Variants in TRAPPC10 observed in about 807,000 individuals in gnomAD.
The protein encoded by TRAPPC10 is TRAPP 130 kDa subunit.
In TRAPPC10, 23 loss-of-function variants were observed where a neutral mutation model predicts 125.5. The ratio of observed to expected loss-of-function variants is 0.18; its 90% CI spans 0.13 to 0.26. TRAPPC10 has a LOEUF of 0.26. Ranked by LOEUF, TRAPPC10 falls within the 10% of genes least tolerant of loss-of-function variation. The pLI is 1.00. For synonymous variants in TRAPPC10, 509 were observed against 518.0 expected (o/e 0.98, Z 0.24); for missense variants, 1,123 against 1,308.4 (o/e 0.86, Z 2.19).
At chr21:44,085,306 G>C (rs1412379665) in intron 15 of TRAPPC10, among the ~76,000 whole-genome samples, 1 of 151,996 alleles carries the variant, frequency 6.6e-6, no homozygotes, top group Non-Finnish European at 1.5e-5. Context: ...AACTACATGT[G>C]TATTTTACAG....
Position 44,059,429 on chromosome 21 carries a change from CA to C in TRAPPC10, c.790+220del. On this transcript the variant is annotated intron_variant, in intron 6 of 22. Transcript: ENST00000291574. This position sits in a 1 kb window ranked among gnomAD's most constrained non-coding sequence, Gnocchi z 4.4. ...TCACTTTTAGAAGAATCTTAAGTAA[CA>C]AAAATAATAATAATTTAAAAAAACT... is the stretch of plus-strand genomic sequence containing the variant. 1 of 704,098 alleles carries C rather than the reference CA, an allele frequency of 1.4e-6. No individual in the cohort carries two copies. The highest frequency in any genetic ancestry group is 1.6e-5 in the South Asian group (1 of 64,404). The allele number at this position is 704,098 out of a possible 1,614,324, so 43.6% of individuals were successfully genotyped here.
chr21:44,060,915 T>TACATACACACAC (rs60633801), intron 6 of TRAPPC10, among the ~76,000 whole-genome samples: 8,589 of 132,034 alleles, frequency 0.065, 298 homozygotes, highest in East Asian at 0.13. Flanking sequence ...CATACATACA[T>TACATACACACAC]ACACACACAC....
rs567853707 is a variant in TRAPPC10 at position 44,079,122 on chromosome 21, G to A, written c.1470-442G>A. On this transcript the variant is annotated intron_variant, in intron 11 of 22. Coordinates refer to ENST00000291574, the MANE Select transcript of TRAPPC10 (RefSeq NM_003274.5). ...CTGCTTCTGTGTTTCTGTGCCTTTA[G>A]TAGGTAGTGTAGACCCATACTTGGA... Among the ~76,000 whole-genome samples the A allele has an allele frequency of 7.2e-5, 11 of 152,230 alleles. No individual in the cohort carries two copies. The South Asian group carries it at 1.7e-3, about 23-fold the overall frequency.
At chr21:44,064,847 T>C (rs1226154235) in intron 7 of TRAPPC10, among the ~76,000 whole-genome samples, 3 of 152,172 alleles carry the variant, frequency 2.0e-5, no homozygotes, top group African/African-American at 4.8e-5. Context: ...CTCAGAAACT[T>C]AAGAATTTTT....
chr21:44,029,503 T>C (rs1050442061), intron 1 of TRAPPC10, among the ~76,000 whole-genome samples: 5 of 152,252 alleles, frequency 3.3e-5, no homozygotes, highest in Admixed American at 6.5e-5. Flanking sequence ...ATAATGGTTG[T>C]ATATGCTGAG....
intron 7 of TRAPPC10, among the ~76,000 whole-genome samples, chr21:44,071,547 G>A (rs1277067576): frequency 6.6e-6 from 1 of 152,174 alleles, no homozygotes; most frequent in Admixed American, 6.5e-5. Context: ...GGCCCCCTTT[G>A]GGGTGTTACC....
intron 1 of TRAPPC10, among the ~76,000 whole-genome samples, chr21:44,022,008 C>T (rs2032554290): frequency 6.6e-6 from 1 of 151,824 alleles, no homozygotes; most frequent in African/African-American, 2.4e-5. Flanking sequence ...CTAAGCCACC[C>T]AGTCTATGGC....
chr21:44,069,705 T>G (rs1456707026), intron 7 of TRAPPC10, among the ~76,000 whole-genome samples: 1 of 152,168 alleles, frequency 6.6e-6, no homozygotes, highest in Non-Finnish European at 1.5e-5. Context: ...CAGAGATACC[T>G]GTGGCACCCG....
chr21:44,088,004 C>A, intron 17 of TRAPPC10, 76 bp downstream of exon 17: 2 of 1,296,662 alleles, frequency 1.5e-6, no homozygotes, highest in Non-Finnish European at 2.2e-6. Context: ...GGCGATGTAG[C>A]GATGCCTGCT....
chr21:44,016,930 T>G lies in TRAPPC10; in HGVS notation c.67+4370T>G, dbSNP rs193110706. 4.5e-3 allele frequency among the ~76,000 whole-genome samples: 686 copies of G among 152,320 alleles called. 6 individuals are homozygous for G. Among genetic ancestry groups the G allele is most frequent in the African/African-American group, 0.015 (642 of 41,570 alleles). The stretch of plus-strand genomic sequence containing the variant: ...TCAGCCTCCCAAAGTGCTGGGATTA[T>G]AGGCATGAGCCACCGCGCCCAGCCA... On this transcript the variant is annotated intron_variant, in intron 1 of 22. Transcript: ENST00000291574.
chr21:44,082,864 C>G lies in TRAPPC10; in HGVS notation c.1800C>G (p.Val600=), dbSNP rs1279870518. 6.2e-7 allele frequency: 1 copy of G among 1,613,980 alleles called. No homozygotes were observed. Among genetic ancestry groups the G allele is most frequent in the Admixed American group, 1.7e-5 (1 of 59,982 alleles). The change falls in exon 14 of 23, where the codon GTC becomes GTG. Residue 600 remains valine (V), a synonymous_variant. Transcript: ENST00000291574. The surrounding 1 kb of genome is among the most constrained non-coding windows in gnomAD (Gnocchi z 4.4). The stretch of plus-strand genomic sequence containing the variant: ...ATTTTGATCCCTCCAATGCCGTGGT[C>G]CACGTGGGCGGCGTTTTGTGCGTTG... ...DLHFDPSNAV[V]HVGGVLCVEI...
rs116637934 is a variant in TRAPPC10 at position 44,017,932 on chromosome 21, C to G, written c.67+5372C>G. ...AAATTTAAAATATCTCTTGGTGCCT[C>G]TCTGCGTAGTGTGTGGGAAGCCTAG... On this transcript the variant is annotated intron_variant, in intron 1 of 22. Transcript: ENST00000291574. 1.4e-3 allele frequency among the ~76,000 whole-genome samples: 207 copies of G among 152,234 alleles called. 2 individuals are homozygous for G. Among genetic ancestry groups the G allele is most frequent in the African/African-American group, 4.7e-3 (196 of 41,520 alleles).
At chr21:44,044,659 T>C (rs2034647180) in intron 3 of TRAPPC10, among the ~76,000 whole-genome samples, 2 of 136,810 alleles carry the variant, frequency 1.5e-5, no homozygotes, top group Admixed American at 1.4e-4. Context: ...GAAAATCATG[T>C]CTTTTTTTTT....
chr21:44,094,925 T>C (rs2038825153), intron 20 of TRAPPC10, among the ~76,000 whole-genome samples: 1 of 151,930 alleles, frequency 6.6e-6, no homozygotes, highest in South Asian at 2.1e-4. Flanking sequence ...AGACAAATTG[T>C]TTTGACCTTC....
chr21:44,089,335 C>G, intron 17 of TRAPPC10: 3 of 357,076 alleles, frequency 8.4e-6, no homozygotes, highest in South Asian at 6.1e-5. Flanking sequence ...GCTTTGTCCT[C>G]ACTGTGCCCC....
At chr21:44,052,192 C>A in intron 3 of TRAPPC10, 88 bp from the exon 4 acceptor site, 1 of 1,145,298 alleles carries the variant, frequency 8.7e-7, no homozygotes, top group Non-Finnish European at 1.2e-6. Context: ...AACATTGCGG[C>A]CTTTGCAGGC....
At chr21:44,055,945 G>T in intron 5 of TRAPPC10, 52 bp downstream of exon 5, 1 of 1,430,940 alleles carries the variant, frequency 7.0e-7, no homozygotes. Context: ...TCCCTCCTTT[G>T]TTCCCTCCCT....
chr21:44,064,336 T>TGTGA (rs1287571588), intron 7 of TRAPPC10, among the ~76,000 whole-genome samples: 2 of 136,706 alleles, frequency 1.5e-5, no homozygotes, highest in African/African-American at 3.1e-5. Flanking sequence ...TGTGTGTGTG[T>TGTGA]GTGAGTGTGA....
chr21:44,068,453 T>C (rs1263371086), intron 7 of TRAPPC10, among the ~76,000 whole-genome samples: 1 of 152,102 alleles, frequency 6.6e-6, no homozygotes, highest in Non-Finnish European at 1.5e-5. Flanking sequence ...CGTTGAAGCT[T>C]GCCCTTTGTT....
Sources: allele counts gnomAD v4.1 joint callset (sites outside exome capture counted in the v4.1 genomes callset), GRCh38; gene constraint gnomAD v4.1.1; non-coding constraint Gnocchi (gnomAD v3.1); transcripts MANE v1.5; gene names NCBI Gene and HGNC (gene_info 2026-07-23, HGNC 2026-07-21).